The following ANK2 variants were observed in gnomAD, a reference collection of about 807,000 sequenced individuals.
ANK2 encodes the protein ankyrin-2.
A neutral mutation model predicts 360.5 loss-of-function variants in ANK2; 83 were observed. The observed-to-expected ratio is 0.23, with a 90% CI of 0.19 to 0.28. ANK2 has a LOEUF of 0.28. Ranked by LOEUF, ANK2 falls within the 10% of genes least tolerant of loss-of-function variation. The pLI, the probability that ANK2 is intolerant of heterozygous loss-of-function variation, is 1.00. For synonymous variants in ANK2, 1,740 were observed against 1,759.5 expected (o/e 0.99, Z 0.28); for missense variants, 4,201 against 4,795.7 (o/e 0.88, Z 3.66).
chr4:113,076,885 A>G (rs1206439746), intron 1 of ANK2, among the ~76,000 whole-genome samples: 1 of 151,980 alleles, frequency 6.6e-6, no homozygotes, highest in Non-Finnish European at 1.5e-5. Context: ...CATTTTTTGT[A>G]AGAAAAAATT....
At chr4:113,039,249 T>A (rs2062333619) in intron 2 of ANK2, among the ~76,000 whole-genome samples, 1 of 152,034 alleles carries the variant, frequency 6.6e-6, no homozygotes, top group African/African-American at 2.4e-5. Context: ...CTATTTAAAG[T>A]CTCCTTGAAG....
At chr4:112,792,786 A>G in the ANK2 span, among the ~76,000 whole-genome samples, 19 of 152,288 alleles carry the variant, frequency 1.2e-4, no homozygotes, top group African/African-American at 4.6e-4. Context: ...AGAAACATGG[A>G]GAAACATAGA....
chr4:112,768,165 C>G, the ANK2 span, among the ~76,000 whole-genome samples: 2 of 152,166 alleles, frequency 1.3e-5, no homozygotes, highest in Non-Finnish European at 2.9e-5. Flanking sequence ...GATATTACTC[C>G]ATAATCAATA....
At chr4:113,035,490 TG>T (rs1405062261) in intron 2 of ANK2, among the ~76,000 whole-genome samples, 1 of 151,930 alleles carries the variant, frequency 6.6e-6, no homozygotes, top group Non-Finnish European at 1.5e-5. Context: ...TTAGAAGCTC[TG>T]GTAACTCGTC....
intron 2 of ANK2, among the ~76,000 whole-genome samples, chr4:113,030,061 C>T (rs1392628587): frequency 6.6e-6 from 1 of 151,870 alleles, no homozygotes; most frequent in Admixed American, 6.6e-5. Context: ...AATTAAAAAT[C>T]TTGTGTACTA....
Position 113,242,292 on chromosome 4 carries a change from T to C in ANK2, c.891+83T>C. 4 of 1,169,416 alleles carry C rather than the reference T, an allele frequency of 3.4e-6. No homozygotes were observed. The Admixed American group carries it at 7.1e-5, about 21-fold the overall frequency. The allele number at this position is 1,169,416 out of a possible 1,614,324, so 72.4% of individuals were successfully genotyped here. The stretch of plus-strand genomic sequence containing the variant: ...AAGGCACCTCAAGACACCAGGTCAT[T>C]AACATAAGCAATGTGTTTTCAAGGA... On this transcript the variant is annotated intron_variant, in intron 9 of 45. Coordinates refer to ENST00000357077, the MANE Select transcript of ANK2 (RefSeq NM_001148.6).
intron 1 of ANK2, among the ~76,000 whole-genome samples, chr4:113,134,556 C>A (rs1383934120): frequency 6.6e-6 from 1 of 151,690 alleles, no homozygotes; most frequent in African/African-American, 2.4e-5. Context: ...TGTTCCAGAG[C>A]AAGGACAAAA....
At chr4:113,251,923 C>T (rs74759886) in intron 10 of ANK2, among the ~76,000 whole-genome samples, 2,249 of 152,044 alleles carry the variant, frequency 0.015, 37 homozygotes, top group South Asian at 0.032. Flanking sequence ...GAGGGGATAC[C>T]GCTCTCCTGG....
At chr4:113,348,335 AT>A (rs2095110953) in intron 36 of ANK2, 27 bp downstream of exon 36, 2 of 1,610,352 alleles carry the variant, frequency 1.2e-6, no homozygotes, top group Non-Finnish European at 8.5e-7. Context: ...GTCACTTGTT[AT>A]CGGCTGTGTC....
At chr4:112,928,303 T>C (rs928623047) in intron 2 of ANK2, among the ~76,000 whole-genome samples, 2 of 151,944 alleles carry the variant, frequency 1.3e-5, no homozygotes, top group African/African-American at 4.8e-5. Flanking sequence ...AAGTCTTAAA[T>C]AGAAAAATAG....
At chr4:113,341,601 C>G (rs1382851695) in intron 32 of ANK2, 87 bp from the exon 33 acceptor site, 17 of 1,370,832 alleles carry the variant, frequency 1.2e-5, no homozygotes, top group Non-Finnish European at 1.7e-5. Context: ...CATTTGTTGA[C>G]TACTTTGATC....
chr4:113,260,215 T>C (rs1228885535), intron 13 of ANK2, among the ~76,000 whole-genome samples: 1 of 152,298 alleles, frequency 6.6e-6, no homozygotes, highest in East Asian at 1.9e-4. Flanking sequence ...TTCCAAATCT[T>C]CAGGTGGTTA....
intron 22 of ANK2, among the ~76,000 whole-genome samples, chr4:113,301,313 AT>A (rs1563559557): frequency 6.6e-6 from 1 of 151,598 alleles, no homozygotes; most frequent in Non-Finnish European, 1.5e-5. Flanking sequence ...CATATCTTTT[AT>A]TTATTTATTT....
chr4:112,852,743 G>A (rs531813208), intron 1 of ANK2, among the ~76,000 whole-genome samples: 5 of 151,924 alleles, frequency 3.3e-5, no homozygotes, highest in South Asian at 4.2e-4. Context: ...CCTTTTCTTC[G>A]GTGAATCCCA....
chr4:113,131,768 A>G (rs2096053641), intron 1 of ANK2, among the ~76,000 whole-genome samples: 1 of 152,340 alleles, frequency 6.6e-6, no homozygotes, highest in Admixed American at 6.5e-5. Flanking sequence ...ATTCCTGCAC[A>G]CTAAAGCACA....
intron 2 of ANK2, among the ~76,000 whole-genome samples, chr4:112,951,518 A>G (rs1032541171): frequency 6.6e-6 from 1 of 152,100 alleles, no homozygotes; most frequent in Non-Finnish European, 1.5e-5. Flanking sequence ...TTTTCCTTCT[A>G]ATTTGTTTTT....
At chr4:113,073,643 C>G (rs1051032441) in intron 1 of ANK2, among the ~76,000 whole-genome samples, 1 of 152,064 alleles carries the variant, frequency 6.6e-6, no homozygotes, top group Admixed American at 6.6e-5. Flanking sequence ...AGAAAATCTC[C>G]TAGGTGCATT....
chr4:112,788,304 C>T, the ANK2 span: 35 of 1,568,708 alleles, frequency 2.2e-5, no homozygotes, highest in African/African-American at 1.9e-4. Context: ...TTCCTGTGGA[C>T]GAGACGTCCC....
chr4:113,138,985 AC>A (rs1233509191), intron 1 of ANK2, among the ~76,000 whole-genome samples: 1 of 152,196 alleles, frequency 6.6e-6, no homozygotes, highest in African/African-American at 2.4e-5. Flanking sequence ...ATCTTTGTGA[AC>A]TTTGAATTTG....
Sources: allele counts gnomAD v4.1 joint callset (sites outside exome capture counted in the v4.1 genomes callset), GRCh38; gene constraint gnomAD v4.1.1; transcripts MANE v1.5; gene names NCBI Gene and HGNC (gene_info 2026-07-23, HGNC 2026-07-21).